DYNC2H1: variants seen among roughly 807,000 people sequenced by gnomAD.
DYNC2H1 encodes dynein cytoplasmic 2 heavy chain 1, also known as cytoplasmic dynein 2 heavy chain 1.
In DYNC2H1, 410 loss-of-function variants were observed where a neutral mutation model predicts 570.0. The observed-to-expected ratio is 0.72, with a 90% CI of 0.66 to 0.78. The LOEUF (loss-of-function observed/expected upper bound fraction) is 0.78. Among genes scored for constraint, DYNC2H1 ranks in the 30% least tolerant of loss-of-function variants. The pLI is 0.00. For missense variants in DYNC2H1, 4,865 were observed against 5,046.4 expected (o/e 0.96, Z 1.09); for synonymous variants, 1,688 against 1,677.6 (o/e 1.01, Z -0.15).
At chr11:103,212,522 A>C (rs138415695) in intron 54 of DYNC2H1, among the ~76,000 whole-genome samples, 1 of 152,242 alleles carries the variant, frequency 6.6e-6, no homozygotes, top group African/African-American at 2.4e-5. Context: ...ATTTTATAAT[A>C]ACCTTTAAAA....
chr11:103,132,681 G>A (rs1859339037), intron 13 of DYNC2H1, among the ~76,000 whole-genome samples: 1 of 150,926 alleles, frequency 6.6e-6, no homozygotes, highest in African/African-American at 2.4e-5. Context: ...TGTGTGATGA[G>A]TTTCCTGCTG....
intron 70 of DYNC2H1, among the ~76,000 whole-genome samples, chr11:103,279,147 A>G (rs1393010060): frequency 6.6e-6 from 1 of 152,192 alleles, no homozygotes; most frequent in African/African-American, 2.4e-5. Context: ...TGTTACAATT[A>G]TATCTTATCC....
At position 103,177,823 on chromosome 11, in the gene DYNC2H1, T is replaced by G; in HGVS notation, c.6139+3T>G. On this transcript the variant is annotated splice_donor_region_variant and intron_variant, in intron 38 of 88. Transcript: ENST00000375735. The surrounding 1 kb of genome is among the most constrained non-coding windows in gnomAD (Gnocchi z 4.4). ...TCAAGTGGTTCGGGAACCTCAAGGT[T>G]AGTCTCTATGTATACTTCTTTGCTT... 1 of 1,607,968 alleles carries G rather than the reference T, an allele frequency of 6.2e-7. No individual in the cohort carries two copies. Among genetic ancestry groups the G allele is most frequent in the Non-Finnish European group, 8.5e-7 (1 of 1,177,904 alleles).
At chr11:103,134,112 T>A (rs1179155935) in intron 14 of DYNC2H1, among the ~76,000 whole-genome samples, 1 of 152,180 alleles carries the variant, frequency 6.6e-6, no homozygotes, top group Non-Finnish European at 1.5e-5. Flanking sequence ...TGTTTTCCCA[T>A]ATTAGATTGG....
At chr11:103,441,246 TC>T (rs1944258613) in intron 85 of DYNC2H1, among the ~76,000 whole-genome samples, 1 of 152,014 alleles carries the variant, frequency 6.6e-6, no homozygotes, top group Non-Finnish European at 1.5e-5. Flanking sequence ...TGGAATGCTC[TC>T]CCCGGGATAT....
chr11:103,347,472 A>T (rs564447621), intron 82 of DYNC2H1, among the ~76,000 whole-genome samples: 1 of 152,124 alleles, frequency 6.6e-6, no homozygotes, highest in East Asian at 1.9e-4. Flanking sequence ...TAGGAATTAA[A>T]TAACACGTGG....
chr11:103,366,670 T>C (rs1940922392), intron 83 of DYNC2H1, among the ~76,000 whole-genome samples: 1 of 152,184 alleles, frequency 6.6e-6, no homozygotes, highest in South Asian at 2.1e-4. Flanking sequence ...CCATTTTCTT[T>C]ACTTGCTTTG....
rs766566120 is a variant in DYNC2H1 at position 103,245,350 on chromosome 11, T to C, written c.10018T>C (p.Leu3340=). 6.3e-6 allele frequency: 10 copies of C among 1,586,686 alleles called. No individual in the cohort carries two copies. Among genetic ancestry groups the C allele is most frequent in the Middle Eastern group, 1.7e-4 (1 of 6,018 alleles). ...DGVEPVLYPL[L]RRDLVAQGPR... ...TGTAGAACCTGTTCTTTATCCATTATTGAGACGAGATCTGGTTGCTCAAGG... is the reference window on the plus strand; with the variant it reads ...TGTAGAACCTGTTCTTTATCCATTACTGAGACGAGATCTGGTTGCTCAAGG... Residue 3340 remains leucine, a synonymous_variant, in exon 65 of 89, where the codon TTG becomes CTG. Transcript: ENST00000375735. The surrounding 1 kb of genome is among the most constrained non-coding windows in gnomAD (Gnocchi z 4.5).
intron 78 of DYNC2H1, among the ~76,000 whole-genome samples, chr11:103,310,432 A>G (rs934543641): frequency 1.3e-5 from 2 of 151,898 alleles, no homozygotes; most frequent in African/African-American, 4.8e-5. Context: ...TTCAGTCTGT[A>G]CTTATATGTG....
chr11:103,292,131 G>A (rs77918723), intron 75 of DYNC2H1, among the ~76,000 whole-genome samples: 16 of 148,884 alleles, frequency 1.1e-4, no homozygotes, highest in African/African-American at 3.7e-4. Flanking sequence ...TTGTTTTCTG[G>A]TTGTTTTGTT....
intron 1 of DYNC2H1, among the ~76,000 whole-genome samples, chr11:103,113,289 C>T (rs1858201589): frequency 6.6e-6 from 1 of 152,030 alleles, no homozygotes; most frequent in Admixed American, 6.6e-5. Context: ...TAGCAGTCAA[C>T]AACGTATATA....
chr11:103,348,794 C>G (rs887082236), intron 82 of DYNC2H1, among the ~76,000 whole-genome samples: 1 of 152,102 alleles, frequency 6.6e-6, no homozygotes, highest in Non-Finnish European at 1.5e-5. Context: ...CCCATATCCC[C>G]CATGTGTCAA....
intron 83 of DYNC2H1, among the ~76,000 whole-genome samples, chr11:103,359,397 G>A (rs1018244586): frequency 2.0e-5 from 3 of 152,076 alleles, no homozygotes; most frequent in Non-Finnish European, 4.4e-5. Flanking sequence ...AGTTTACTTG[G>A]ATGTGTCATT....
Position 103,189,523 on chromosome 11 carries a change from A to G in DYNC2H1, c.7293-149A>G, listed in dbSNP as rs1489422230. ...GAAATGAGAATGGATCGGGGCGATG[A>G]GCCTAGTCTTAGCCCCCTGGGTAAG... On this transcript the variant is annotated intron_variant, in intron 44 of 88. Transcript: ENST00000375735. This position sits in a 1 kb window ranked among gnomAD's most constrained non-coding sequence, Gnocchi z 4.3. 1 of 659,086 alleles carries G rather than the reference A, an allele frequency of 1.5e-6. No homozygotes were observed. Among genetic ancestry groups the G allele is most frequent in the African/African-American group, 1.8e-5 (1 of 54,416 alleles). The allele number at this position is 659,086 out of a possible 1,614,324, so 40.8% of individuals were successfully genotyped here. A position where few individuals can be genotyped will look rare whatever the true frequency, so the allele number is the denominator to read the frequency against.
At chr11:103,110,302 G>A (rs1270344397) in intron 1 of DYNC2H1, among the ~76,000 whole-genome samples, 1 of 152,036 alleles carries the variant, frequency 6.6e-6, no homozygotes, top group East Asian at 1.9e-4. Flanking sequence ...ATGAGCCACC[G>A]CGCCCGGCCT....
chr11:103,138,849 CTT>C (rs1392338846), intron 17 of DYNC2H1, among the ~76,000 whole-genome samples: 1 of 151,728 alleles, frequency 6.6e-6, no homozygotes, highest in Non-Finnish European at 1.5e-5. Context: ...GTCCTGGACT[CTT>C]TTTGGTTGGT....
At position 103,148,454 on chromosome 11, in the gene DYNC2H1, A is replaced by G. The variant is rs1316944033; in HGVS notation, c.2819-36A>G. 3.9e-6 allele frequency: 6 copies of G among 1,536,838 alleles called. No individual in the cohort carries two copies. In the African/African-American group the frequency reaches 8.3e-5, roughly 21 times the overall value. On this transcript the variant is annotated intron_variant, in intron 19 of 88. Transcript: ENST00000375735. The stretch of plus-strand genomic sequence containing the variant: ...GTAACTTAGTATTTTTGATGGTAAT[A>G]ATTAACATTTCTTGTATTTCAATGT...
rs1262568090 is a variant in DYNC2H1, at chr11:103,239,163, T to C, written c.9819+2624T>C. On this transcript the variant is annotated intron_variant, in intron 63 of 88. Transcript: ENST00000375735. This position sits in a 1 kb window ranked among gnomAD's most constrained non-coding sequence, Gnocchi z 4.3. ...TCTTGTGATGACATCTATTGAATATTTGTGTTTTATTGTTATAGACAGTTC... is the reference window on the plus strand; with the variant it reads ...TCTTGTGATGACATCTATTGAATATCTGTGTTTTATTGTTATAGACAGTTC... Among the ~76,000 whole-genome samples the C allele has an allele frequency of 1.3e-5, 2 of 152,198 alleles. No homozygotes were observed. Among genetic ancestry groups the C allele is most frequent in the African/African-American group, 4.8e-5 (2 of 41,458 alleles).
At chr11:103,323,737 C>G (rs1442457923) in intron 81 of DYNC2H1, 149 bp from the exon 82 acceptor site, 2 of 546,536 alleles carry the variant, frequency 3.7e-6, no homozygotes, top group Middle Eastern at 5.3e-4. Context: ...CCACAGATAA[C>G]TGAGTTAATA....
Sources: gnomAD v4.1 joint callset for allele counts (sites outside exome capture counted in the v4.1 genomes callset) on GRCh38, gnomAD v4.1.1 for gene constraint, Gnocchi (gnomAD v3.1) non-coding constraint, MANE v1.5 for transcripts, NCBI Gene and HGNC (gene_info 2026-07-23, HGNC 2026-07-21) for gene names.